Variants in CRPPA observed in about 807,000 individuals in gnomAD.
CRPPA encodes CDP-L-ribitol pyrophosphorylase A, also known as D-ribitol-5-phosphate cytidylyltransferase.
Under a neutral mutation model 52.0 loss-of-function variants are expected in CRPPA, and 43 were observed. The ratio of observed to expected loss-of-function variants is 0.83; its 90% confidence interval spans 0.65 to 1.07. The LOEUF (loss-of-function observed/expected upper bound fraction) is 1.07, where lower values mean the gene tolerates loss of function less well. CRPPA is among the 50% of genes least tolerant of loss of function. The pLI, the probability that CRPPA is intolerant of heterozygous loss-of-function variation, is 0.00. For synonymous variants in CRPPA, 250 were observed against 203.5 expected, an observed-to-expected ratio of 1.23 and a Z score of -1.94; for missense variants, 629 against 551.7, an observed-to-expected ratio of 1.14 and a Z score of -1.40.
At chr7:16,106,257 G>C (rs1431320809) in intron 9 of CRPPA, among the ~76,000 whole-genome samples, 6 of 152,174 alleles carry the variant, frequency 3.9e-5, no homozygotes, top group Non-Finnish European at 8.8e-5. Context: ...GCTCCACCTT[G>C]ACAAGTAGTC....
intron 8 of CRPPA, among the ~76,000 whole-genome samples, chr7:16,248,944 C>T (rs1197811052): frequency 3.3e-5 from 5 of 152,202 alleles, no homozygotes; most frequent in Non-Finnish European, 7.3e-5. Flanking sequence ...CCCATACCCA[C>T]AGAGCCCAGC....
intron 8 of CRPPA, among the ~76,000 whole-genome samples, chr7:16,250,845 A>T (rs1783428637): frequency 6.6e-6 from 1 of 152,226 alleles, no homozygotes; most frequent in Non-Finnish European, 1.5e-5. Context: ...AGCCAGAATC[A>T]TAACGATAGG....
chr7:16,194,102 A>C (rs1368128429), intron 9 of CRPPA, among the ~76,000 whole-genome samples: 1 of 152,152 alleles, frequency 6.6e-6, no homozygotes, highest in Non-Finnish European at 1.5e-5. Flanking sequence ...CAGATGAAAA[A>C]CTAGAGTGAC....
At chr7:16,251,052 CAA>C (rs570099770) in intron 8 of CRPPA, among the ~76,000 whole-genome samples, 1 of 136,482 alleles carries the variant, frequency 7.3e-6, no homozygotes. Context: ...AAATGGAAAG[CAA>C]AAAAAAAAGC....
chr7:16,332,412 G>C (rs1204508784), intron 3 of CRPPA, among the ~76,000 whole-genome samples: 1 of 152,114 alleles, frequency 6.6e-6, no homozygotes, highest in Non-Finnish European at 1.5e-5. Context: ...GTATAAGAAA[G>C]TTTGTTCAAA....
chr7:16,199,650 A>G (rs1406469841), intron 9 of CRPPA, among the ~76,000 whole-genome samples: 2 of 115,846 alleles, frequency 1.7e-5, no homozygotes, highest in East Asian at 2.6e-4. Context: ...ATATGCTCAA[A>G]CCATAAGTTC....
intron 3 of CRPPA, among the ~76,000 whole-genome samples, chr7:16,354,415 G>C (rs933087684): frequency 2.0e-5 from 3 of 152,150 alleles, no homozygotes; most frequent in African/African-American, 7.2e-5. Context: ...TATGCAGTAA[G>C]TAGACTAGCC....
At chr7:16,113,576 C>A (rs750911021) in intron 9 of CRPPA, among the ~76,000 whole-genome samples, 20 of 151,976 alleles carry the variant, frequency 1.3e-4, no homozygotes, top group Non-Finnish European at 2.6e-4. Context: ...TACATCAAAA[C>A]AGACCAACAA....
At chr7:16,350,168 TGAA>T (rs1220116371) in intron 3 of CRPPA, among the ~76,000 whole-genome samples, 2 of 151,750 alleles carry the variant, frequency 1.3e-5, no homozygotes, top group Admixed American at 1.3e-4. Flanking sequence ...CTTTCAAAAA[TGAA>T]GAGGTAATAA....
chr7:16,207,660 C>A (rs1181056990), intron 9 of CRPPA, among the ~76,000 whole-genome samples: 1 of 152,194 alleles, frequency 6.6e-6, no homozygotes, highest in East Asian at 1.9e-4. Flanking sequence ...AGAAAACACT[C>A]AGTTTTGCAA....
At chr7:16,205,899 G>C (rs538618385) in intron 9 of CRPPA, among the ~76,000 whole-genome samples, 15 of 151,396 alleles carry the variant, frequency 9.9e-5, no homozygotes, top group Non-Finnish European at 2.1e-4. Context: ...GAGAATTAAG[G>C]TGGTGAATAT....
intron 3 of CRPPA, among the ~76,000 whole-genome samples, chr7:16,343,518 A>G (rs1410969410): frequency 6.6e-6 from 1 of 152,112 alleles, no homozygotes; most frequent in African/African-American, 2.4e-5. Flanking sequence ...TGCAAAATCT[A>G]TTTCCCAATA....
intron 9 of CRPPA, among the ~76,000 whole-genome samples, chr7:16,173,135 C>G (rs78497246): frequency 0.022 from 3,298 of 152,232 alleles, 130 homozygotes; most frequent in African/African-American, 0.075. Flanking sequence ...TTGCTGATGC[C>G]TGAGTCCTAA....
intron 3 of CRPPA, among the ~76,000 whole-genome samples, chr7:16,346,372 A>G (rs1786014469): frequency 6.6e-6 from 1 of 152,186 alleles, no homozygotes; most frequent in Non-Finnish European, 1.5e-5. Context: ...GCTGTGATCT[A>G]AAGGGTTGAA....
intron 3 of CRPPA, among the ~76,000 whole-genome samples, chr7:16,328,741 C>T (rs12699781): frequency 0.16 from 24,803 of 152,022 alleles, 2,533 homozygotes; most frequent in South Asian, 0.42. Flanking sequence ...TCTTGAACTC[C>T]TGACCTCAGG....
At chr7:16,393,274 T>C (rs1011963026) in intron 2 of CRPPA, among the ~76,000 whole-genome samples, 1 of 152,064 alleles carries the variant, frequency 6.6e-6, no homozygotes, top group Non-Finnish European at 1.5e-5. Context: ...TATAAGAAAA[T>C]TAAACAACAG....
chr7:16,124,835 TAC>T (rs1275397609), intron 9 of CRPPA, among the ~76,000 whole-genome samples: 1 of 152,036 alleles, frequency 6.6e-6, no homozygotes, highest in African/African-American at 2.4e-5. Context: ...CATAAATATG[TAC>T]AATTAAATGT....
intron 9 of CRPPA, among the ~76,000 whole-genome samples, chr7:16,112,902 A>C (rs889206233): frequency 2.0e-5 from 3 of 152,122 alleles, no homozygotes; most frequent in Non-Finnish European, 4.4e-5. Flanking sequence ...TGGAATATGT[A>C]GTTAGGCAAG....
At chr7:16,373,824 G>A (rs1786812052) in intron 3 of CRPPA, among the ~76,000 whole-genome samples, 1 of 152,178 alleles carries the variant, frequency 6.6e-6, no homozygotes, top group South Asian at 2.1e-4. Flanking sequence ...AAGCAATCCA[G>A]CCAGTCAGCA....
Sources: gnomAD v4.1 joint callset for allele counts (sites outside exome capture counted in the v4.1 genomes callset) on GRCh38, gnomAD v4.1.1 for gene constraint, MANE v1.5 for transcripts, NCBI Gene and HGNC (gene_info 2026-07-23, HGNC 2026-07-21) for gene names.